SEM1: variants seen among roughly 807,000 people sequenced by gnomAD.
SEM1 encodes 26S proteasome complex subunit SEM1.
SEM1 carries 3 observed loss-of-function variants against 12.7 expected under a neutral mutation model. That is an observed-to-expected ratio of 0.24 (90% CI 0.11 to 0.61). The LOEUF (loss-of-function observed/expected upper bound fraction) is 0.61. SEM1 is among the 20% of genes least tolerant of loss of function. The pLI, the probability that SEM1 is intolerant of heterozygous loss-of-function variation, is 0.88. For synonymous variants in SEM1, 30 were observed against 27.8 expected (o/e 1.08, Z -0.25); for missense variants, 59 against 81.3 (o/e 0.73, Z 1.06).
intron 3 of SEM1, among the ~76,000 whole-genome samples, chr7:96,503,262 A>AGTT (rs1166455398): frequency 6.6e-6 from 1 of 152,138 alleles, no homozygotes; most frequent in Non-Finnish European, 1.5e-5. Context: ...TCTGTTTTAT[A>AGTT]GTTATTATTA....
At chr7:96,694,203 T>C (rs982934852) in intron 2 of SEM1, among the ~76,000 whole-genome samples, 10 of 151,922 alleles carry the variant, frequency 6.6e-5, no homozygotes, top group African/African-American at 2.4e-4. Context: ...AGAAAGAACG[T>C]GGAATGACTG....
At chr7:96,682,426 A>G (rs1789641931) in intron 2 of SEM1, among the ~76,000 whole-genome samples, 1 of 152,056 alleles carries the variant, frequency 6.6e-6, no homozygotes, top group African/African-American at 2.4e-5. Context: ...TACTACGTTG[A>G]ATAGGAGTGG....
At chr7:96,577,199 A>G (rs772277200) in intron 2 of SEM1, among the ~76,000 whole-genome samples, 19 of 152,150 alleles carry the variant, frequency 1.2e-4, no homozygotes, top group Non-Finnish European at 2.2e-4. Context: ...ATGAGAAGGT[A>G]TGGCCACATA....
intron 2 of SEM1, among the ~76,000 whole-genome samples, chr7:96,663,068 A>G (rs1180885005): frequency 6.6e-6 from 1 of 151,986 alleles, no homozygotes; most frequent in Non-Finnish European, 1.5e-5. Flanking sequence ...TTTTTTTAAG[A>G]AAGACTCTAT....
chr7:96,647,549 T>C (rs1487170428), intron 2 of SEM1: 1 of 152,080 alleles, frequency 6.6e-6, no homozygotes, highest in African/African-American at 2.4e-5. Flanking sequence ...CCCTAGAAGA[T>C]AGCAAATAAG....
At chr7:96,658,450 T>C (rs1048085985) in intron 2 of SEM1, among the ~76,000 whole-genome samples, 2 of 152,196 alleles carry the variant, frequency 1.3e-5, no homozygotes, top group African/African-American at 4.8e-5. Context: ...ATTTTTGAAG[T>C]CACACTGGTG....
In SEM1 at chr7:96,665,643, A is replaced by C. The variant is rs191466273; in HGVS notation, c.170+29155T>G. 3.7e-3 allele frequency among the ~76,000 whole-genome samples: 566 copies of C among 152,342 alleles called. 7 individuals are homozygous for C. Among genetic ancestry groups the C allele is most frequent in the Non-Finnish European group, 2.8e-3 (189 of 68,030 alleles). On this transcript the variant is annotated intron_variant, in intron 2 of 2. Transcript: ENST00000417009. ...CCTAAACAAGAGAAAAATATTATTC[A>C]TAGCACTTAAATGTTGGTCTCCAGC...
chr7:96,574,917 T>C (rs563977579), intron 2 of SEM1, among the ~76,000 whole-genome samples: 1 of 152,306 alleles, frequency 6.6e-6, no homozygotes, highest in South Asian at 2.1e-4. Context: ...CGTGCTTCTT[T>C]AGCTTGGAGG....
chr7:96,695,096 T>C (rs1790046440), intron 1 of SEM1: 1 of 366,150 alleles, frequency 2.7e-6, no homozygotes, highest in East Asian at 4.0e-5. Context: ...AAACAGAAGT[T>C]AATACAAAAA....
At position 96,701,388 on chromosome 7, in the gene SEM1, C is replaced by T. The variant is rs148737023; in HGVS notation, c.77-6497G>A. Among the ~76,000 whole-genome samples the T allele has an allele frequency of 4.0e-4, 61 of 152,264 alleles. No individual in the cohort carries two copies. The East Asian group carries it at 0.011, about 27-fold the overall frequency. ...TAAGAGACACCAGAGAGCATGCACT[C>T]TTTCATTCTGCCACAAGAGAACACA... On this transcript the variant is annotated intron_variant, in intron 1 of 2. Coordinates refer to ENST00000248566, the MANE Select transcript of SEM1 (RefSeq NM_006304.2).
At position 96,674,555 on chromosome 7, in the gene SEM1, T is replaced by G. The variant is rs537304967; in HGVS notation, c.171-696A>C. On this transcript the variant is annotated intron_variant, in intron 2 of 2. Coordinates refer to the SEM1 transcript ENST00000413065. ...GGTGCATGCCTGTGGTCCCAGAAGA[T>G]ACTTGGGAAGCTGATATGGGAGGAT... Among the ~76,000 whole-genome samples, 16 of 152,056 alleles carry G rather than the reference T, an allele frequency of 1.1e-4. No individual in the cohort carries two copies. The South Asian group carries it at 3.3e-3, about 32-fold the overall frequency.
chr7:96,589,854 G>C (rs1270511171), intron 2 of SEM1, among the ~76,000 whole-genome samples: 1 of 152,024 alleles, frequency 6.6e-6, no homozygotes, highest in Non-Finnish European at 1.5e-5. Context: ...TTCTCATAAG[G>C]CTTCACTAGT....
chr7:96,575,560 C>G (rs1041551449), intron 2 of SEM1, among the ~76,000 whole-genome samples: 1 of 152,196 alleles, frequency 6.6e-6, no homozygotes, highest in Non-Finnish European at 1.5e-5. Flanking sequence ...GCTGAAGCTG[C>G]GCCCACAGCC....
intron 2 of SEM1, among the ~76,000 whole-genome samples, chr7:96,558,408 G>A (rs182768222): frequency 2.0e-5 from 3 of 152,310 alleles, no homozygotes; most frequent in African/African-American, 7.2e-5. Flanking sequence ...AAGATTCCGA[G>A]GGAGTCCAAA....
intron 2 of SEM1, among the ~76,000 whole-genome samples, chr7:96,675,033 T>C (rs1452042830): frequency 1.3e-5 from 2 of 152,172 alleles, no homozygotes; most frequent in African/African-American, 2.4e-5. Context: ...GGCAGCATCG[T>C]TGATTGTCAG....
At chr7:96,633,171 G>A (rs967502231) in intron 2 of SEM1, among the ~76,000 whole-genome samples, 2 of 151,960 alleles carry the variant, frequency 1.3e-5, no homozygotes, top group Non-Finnish European at 2.9e-5. Context: ...ATTGTCATAT[G>A]CATCCAGGTT....
chr7:96,597,757 C>T (rs1387221250), intron 2 of SEM1, among the ~76,000 whole-genome samples: 1 of 151,802 alleles, frequency 6.6e-6, no homozygotes, highest in Non-Finnish European at 1.5e-5. Context: ...GGATCTAAAA[C>T]TGTATACAGT....
chr7:96,635,318 G>A (rs1234204565), intron 2 of SEM1, among the ~76,000 whole-genome samples: 1 of 152,094 alleles, frequency 6.6e-6, no homozygotes, highest in East Asian at 1.9e-4. Flanking sequence ...GAAGTAACAA[G>A]CAGGCAGTAA....
At position 96,598,779 on chromosome 7, in the gene SEM1, G is replaced by A. The variant is rs570726796; in HGVS notation, c.171-92081C>T. Among the ~76,000 whole-genome samples, 5 of 152,222 alleles carry A rather than the reference G, an allele frequency of 3.3e-5. No individual in the cohort carries two copies. The South Asian group carries it at 8.3e-4, about 25-fold the overall frequency. On this transcript the variant is annotated intron_variant and NMD_transcript_variant, in intron 2 of 3. Transcript: ENST00000466986. The stretch of plus-strand genomic sequence containing the variant: ...TTTATATGCTCACTTTGTGGAAAAC[G>A]TTGGGTCTATGATCTTGACTGAAGT...
Sources: gnomAD v4.1 joint callset for allele counts (sites outside exome capture counted in the v4.1 genomes callset) on GRCh38, gnomAD v4.1.1 for gene constraint, MANE v1.5 for transcripts, NCBI Gene and HGNC (gene_info 2026-07-23, HGNC 2026-07-21) for gene names.